The following EIF5AL1 variants were observed in gnomAD, a reference collection of about 807,000 sequenced individuals.
The protein encoded by EIF5AL1 is eukaryotic translation initiation factor 5A like 1, also known as eukaryotic translation initiation factor 5A-1-like.
Under a neutral mutation model 9.0 loss-of-function variants are expected in EIF5AL1, and 4 were observed. The ratio of observed to expected loss-of-function variants is 0.45; its 90% CI spans 0.22 to 1.02. The LOEUF (loss-of-function observed/expected upper bound fraction) is 1.02, where lower values mean the gene tolerates loss of function less well. Among genes scored for constraint, EIF5AL1 ranks in the 50% least tolerant of loss-of-function variants. The probability of loss-of-function intolerance (pLI) is 0.24; values close to 1 mark genes in which losing one functional copy is unlikely to be tolerated. For synonymous variants in EIF5AL1, 40 were observed against 75.7 expected (o/e 0.53, Z 2.45); for missense variants, 58 against 194.1 (o/e 0.30, Z 4.17).
chr10:79,512,639 A>C lies in EIF5AL1; in HGVS notation c.-11A>C, dbSNP rs1858164787. ...TGCCGTTTGCGCCAGTTGGAATCGA[A>C]GCCTCTTAAAATGGCAGATGATTTG... On this transcript the variant is annotated 5_prime_UTR_variant, in exon 1 of 1. Coordinates refer to ENST00000520547, the MANE Select transcript of EIF5AL1 (RefSeq NM_001099692.2). The C allele has an allele frequency of 9.9e-7, 1 of 1,014,576 alleles. No individual in the cohort carries two copies. The allele number at this position is 1,014,576 out of a possible 1,614,324, so 62.8% of individuals were successfully genotyped here. A position where few individuals can be genotyped will look rare whatever the true frequency, so the allele number is the denominator to read the frequency against.
rs1858171026 is a variant in EIF5AL1 at position 79,512,878 on chromosome 10, C to T, written c.229C>T (p.His77Tyr). ...ATATGAAGATATCTGCCCGTCAACTCATAATATGGATGTCCCCAACATCAA... is the reference window on the plus strand; with the variant it reads ...ATATGAAGATATCTGCCCGTCAACTTATAATATGGATGTCCCCAACATCAA... The part of the protein sequence containing the change: ...KKYEDICPST[H>Y]NMDVPNIKRN... The change falls in exon 1 of 1, where the codon CAT (histidine) becomes TAT (tyrosine). Residue 77 changes from histidine (H) to tyrosine (Y), a missense_variant. Physicochemically the swap from His to Tyr is moderately conservative, Grantham distance 83. Around this residue, in one of 2 missense-constraint regions of EIF5AL1, gnomAD observed 48 missense variants for 104.3 expected, o/e 0.46. Transcript: ENST00000520547. 2 of 1,613,844 alleles carry T rather than the reference C, an allele frequency of 1.2e-6. No individual in the cohort carries two copies. The highest frequency in any genetic ancestry group is 2.2e-5 in the East Asian group (1 of 44,874).
Position 79,512,867 on chromosome 10 carries a change from G to A in EIF5AL1, c.218G>A (p.Cys73Tyr). The A allele has an allele frequency of 6.2e-7, 1 of 1,613,690 alleles. No individual in the cohort carries two copies. The highest frequency in any genetic ancestry group is 8.5e-7 in the Non-Finnish European group (1 of 1,179,900). Reference protein sequence around the residue: ...IFTGKKYEDICPSTHNMDVPN... With the variant: ...IFTGKKYEDIYPSTHNMDVPN... ...ACTGGGAAGAAATATGAAGATATCT[G>A]CCCGTCAACTCATAATATGGATGTC... Residue 73 changes from cysteine (C) to tyrosine (Y), a missense_variant, in exon 1 of 1, where the codon TGC becomes TAC. By Grantham distance (194) the Cys-to-Tyr change is radical. Around this residue, in one of 2 missense-constraint regions of EIF5AL1, gnomAD observed 48 missense variants for 104.3 expected, o/e 0.46. Transcript: ENST00000520547.
At position 79,513,012 on chromosome 10, in the gene EIF5AL1, G is replaced by A; in HGVS notation, c.363G>A (p.Lys121=). Residue 121 remains lysine, a synonymous_variant, in exon 1 of 1, where the codon AAG becomes AAA. Coordinates refer to ENST00000520547, the MANE Select transcript of EIF5AL1 (RefSeq NM_001099692.2). ...GTCTCCCTGAGGGAGACCTTGGCAA[G>A]GAGATTGAGCAGAAGTACGACTGTG... The part of the protein sequence containing the change: ...DLRLPEGDLG[K]EIEQKYDCGE... The A allele has an allele frequency of 2.5e-6, 4 of 1,611,870 alleles. No individual in the cohort carries two copies. Among genetic ancestry groups the A allele is most frequent in the Non-Finnish European group, 2.5e-6 (3 of 1,178,436 alleles).
In EIF5AL1 at chr10:79,513,094, A is replaced by G. The variant is rs749206196; in HGVS notation, c.445A>G (p.Ile149Val). The G allele has an allele frequency of 4.3e-6, 7 of 1,612,690 alleles. No individual in the cohort carries two copies. The highest frequency in any genetic ancestry group is 3.3e-4 in the Middle Eastern group (2 of 6,038). ...SAMTEEAAVA[I>V]KAMAK ...CATGACAGAGGAGGCAGCTGTTGCA[A>G]TCAAGGCCATGGCAAAATAACTGGC... Residue 149 changes from isoleucine to valine, a missense_variant, in exon 1 of 1, where the codon ATC becomes GTC. Around this residue, in one of 2 missense-constraint regions of EIF5AL1, gnomAD observed 48 missense variants for 104.3 expected, o/e 0.46. Coordinates refer to ENST00000520547, the MANE Select transcript of EIF5AL1 (RefSeq NM_001099692.2).
In EIF5AL1 at chr10:79,513,018, T is replaced by C; in HGVS notation, c.369T>C (p.Ile123=). ...CTGAGGGAGACCTTGGCAAGGAGAT[T>C]GAGCAGAAGTACGACTGTGGAGAAG... ...RLPEGDLGKE[I]EQKYDCGEEI... The change falls in exon 1 of 1, where the codon ATT becomes ATC. Residue 123 remains isoleucine (I), a synonymous_variant. Transcript: ENST00000520547. 1.2e-6 allele frequency: 2 copies of C among 1,611,260 alleles called. No homozygotes were observed. Among genetic ancestry groups the C allele is most frequent in the Non-Finnish European group, 1.7e-6 (2 of 1,178,344 alleles).
chr10:79,514,766 C>T lies in EIF5AL1; in HGVS notation c.*1652C>T, dbSNP rs916880674. On this transcript the variant is annotated 3_prime_UTR_variant, in exon 1 of 1. Coordinates refer to ENST00000520547, the MANE Select transcript of EIF5AL1 (RefSeq NM_001099692.2). Reference sequence around the variant, plus strand: ...GAATTTAACAATGCCAGTACCTGGACCTCCGCTTGCCCCTAAAACATTACA... The same window carrying T: ...GAATTTAACAATGCCAGTACCTGGATCTCCGCTTGCCCCTAAAACATTACA... 5 of 167,438 alleles carry T rather than the reference C, an allele frequency of 3.0e-5. No homozygotes were observed. The highest frequency in any genetic ancestry group is 5.8e-5 in the Non-Finnish European group (4 of 68,558). The allele number at this position is 167,438 out of a possible 1,614,324, so 10.4% of individuals were successfully genotyped here. A position where few individuals can be genotyped will look rare whatever the true frequency, so the allele number is the denominator to read the frequency against.
At position 79,513,229 on chromosome 10, in the gene EIF5AL1, T is replaced by C; in HGVS notation, c.*115T>C. On this transcript the variant is annotated 3_prime_UTR_variant, in exon 1 of 1. Transcript: ENST00000520547. Reference sequence around the variant, plus strand: ...CTAGGTTGGACTCCTCCTACACAATTTATTTGACGTTTTATTTTGGTTTTC... The same window carrying C: ...CTAGGTTGGACTCCTCCTACACAATCTATTTGACGTTTTATTTTGGTTTTC... 1.5e-6 allele frequency: 2 copies of C among 1,363,144 alleles called. No individual in the cohort carries two copies. The highest frequency in any genetic ancestry group is 2.1e-6 in the Non-Finnish European group (2 of 969,470). The allele number at this position is 1,363,144 out of a possible 1,614,324, so 84.4% of individuals were successfully genotyped here. A position where few individuals can be genotyped will look rare whatever the true frequency, so the allele number is the denominator to read the frequency against.
chr10:79,513,700 C>T lies in EIF5AL1; in HGVS notation c.*586C>T, dbSNP rs1430316694. The T allele has an allele frequency of 6.0e-6, 1 of 166,256 alleles. No individual in the cohort carries two copies. Among genetic ancestry groups the T allele is most frequent in the African/African-American group, 2.4e-5 (1 of 41,226 alleles). 10.3% of individuals were successfully genotyped at this position (166,256 alleles called of 1,614,324 possible). A position where few individuals can be genotyped will look rare whatever the true frequency, so the allele number is the denominator to read the frequency against. On this transcript the variant is annotated 3_prime_UTR_variant, in exon 1 of 1. Coordinates refer to ENST00000520547, the MANE Select transcript of EIF5AL1 (RefSeq NM_001099692.2). Reference sequence around the variant, plus strand: ...CTTTACCCTTCCCTGCGGGCTCTCTCCCCGACACATTTGTTAAAATCAAAC... The same window carrying T: ...CTTTACCCTTCCCTGCGGGCTCTCTTCCCGACACATTTGTTAAAATCAAAC...
chr10:79,513,253 T>C lies in EIF5AL1; in HGVS notation c.*139T>C. 1.9e-6 allele frequency: 2 copies of C among 1,032,286 alleles called. No individual in the cohort carries two copies. The highest frequency in any genetic ancestry group is 2.1e-5 in the Admixed American group (1 of 47,168). The allele number at this position is 1,032,286 out of a possible 1,614,324, so 63.9% of individuals were successfully genotyped here. A position where few individuals can be genotyped will look rare whatever the true frequency, so the allele number is the denominator to read the frequency against. The stretch of plus-strand genomic sequence containing the variant: ...TTTATTTGACGTTTTATTTTGGTTT[T>C]CCCCACCCCCTCAATCTGTCAGGGA... On this transcript the variant is annotated 3_prime_UTR_variant, in exon 1 of 1. Coordinates refer to ENST00000520547, the MANE Select transcript of EIF5AL1 (RefSeq NM_001099692.2).
In EIF5AL1 at chr10:79,513,567, G is replaced by A. The variant is rs1318403468; in HGVS notation, c.*453G>A. 5 of 196,674 alleles carry A rather than the reference G, an allele frequency of 2.5e-5. No homozygotes were observed. The highest frequency in any genetic ancestry group is 1.2e-4 in the South Asian group (1 of 8,336). The allele number at this position is 196,674 out of a possible 1,614,324, so 12.2% of individuals were successfully genotyped here. On this transcript the variant is annotated 3_prime_UTR_variant, in exon 1 of 1. Transcript: ENST00000520547. ...CAACAGACTGGGGACCAGCCCCCTC[G>A]CCTGCCTGTGTCTCTCCCCAAACCC...
chr10:79,514,599 A>C lies in EIF5AL1; in HGVS notation c.*1485A>C, dbSNP rs889191674. ...TTCTACAGCAAGATAACGTGCTAGT[A>C]GGCCTCAATTCATTGCTAAATATTT... On this transcript the variant is annotated 3_prime_UTR_variant, in exon 1 of 1. Coordinates refer to ENST00000520547, the MANE Select transcript of EIF5AL1 (RefSeq NM_001099692.2). The C allele has an allele frequency of 3.6e-5, 6 of 167,194 alleles. No homozygotes were observed. Among genetic ancestry groups the C allele is most frequent in the African/African-American group, 4.8e-5 (2 of 41,448 alleles). 10.4% of individuals were successfully genotyped at this position (167,194 alleles called of 1,614,324 possible).
At position 79,515,066 on chromosome 10, in the gene EIF5AL1, G is replaced by A; in HGVS notation, c.*1952G>A. Reference sequence around the variant, plus strand: ...GACTTTGGCTTGCACTTTAGCTTCTGTAGATCTCCATGATGTAAAGAAGTA... The same window carrying A: ...GACTTTGGCTTGCACTTTAGCTTCTATAGATCTCCATGATGTAAAGAAGTA... On this transcript the variant is annotated 3_prime_UTR_variant, in exon 1 of 1. Transcript: ENST00000520547. 4.8e-6 allele frequency: 1 copy of A among 207,150 alleles called. No individual in the cohort carries two copies. The highest frequency in any genetic ancestry group is 5.8e-5 in the Admixed American group (1 of 17,286). The allele number at this position is 207,150 out of a possible 1,614,324, so 12.8% of individuals were successfully genotyped here.
In EIF5AL1 at chr10:79,516,119, C is replaced by G. The variant is rs887613949; in HGVS notation, c.*3005C>G. On this transcript the variant is annotated 3_prime_UTR_variant, in exon 1 of 1. Transcript: ENST00000520547. The stretch of plus-strand genomic sequence containing the variant: ...AACATTTCATGGCAATCACGATGTC[C>G]TGGTTTGTGAGATAATGGGATAGAG... The G allele has an allele frequency of 1.2e-5, 2 of 167,028 alleles. No homozygotes were observed. The highest frequency in any genetic ancestry group is 2.9e-5 in the Non-Finnish European group (2 of 68,118). 10.3% of individuals were successfully genotyped at this position (167,028 alleles called of 1,614,324 possible).
rs1259520226 is a variant in EIF5AL1, at chr10:79,512,861, A to C, written c.212A>C (p.Asp71Ala). ...IDIFTGKKYE[D>A]ICPSTHNMDV... Reference sequence around the variant, plus strand: ...ATCTTTACTGGGAAGAAATATGAAGATATCTGCCCGTCAACTCATAATATG... The same window carrying C: ...ATCTTTACTGGGAAGAAATATGAAGCTATCTGCCCGTCAACTCATAATATG... The change falls in exon 1 of 1, where the codon GAT (aspartate) becomes GCT (alanine). Residue 71 changes from aspartate (D) to alanine (A), a missense_variant. Asp to Ala is a moderately radical substitution (Grantham distance 126). Coordinates refer to ENST00000520547, the MANE Select transcript of EIF5AL1 (RefSeq NM_001099692.2). The C allele has an allele frequency of 1.2e-6, 2 of 1,613,636 alleles. No individual in the cohort carries two copies. Among genetic ancestry groups the C allele is most frequent in the Admixed American group, 3.3e-5 (2 of 59,950 alleles).
Position 79,512,595 on chromosome 10 carries a change from G to A in EIF5AL1, c.-55G>A, listed in dbSNP as rs1858163602. 1.0e-6 allele frequency: 1 copy of A among 976,002 alleles called. No homozygotes were observed. The highest frequency in any genetic ancestry group is 1.5e-6 in the Non-Finnish European group (1 of 665,114). The allele number at this position is 976,002 out of a possible 1,614,324, so 60.5% of individuals were successfully genotyped here. On this transcript the variant is annotated 5_prime_UTR_variant, in exon 1 of 1. Transcript: ENST00000520547. The stretch of plus-strand genomic sequence containing the variant: ...GAGGCAGCGGTTGGGCTCGCGGCGA[G>A]CGGACGGGGTCGAGTCAGTGCCGTT...
At position 79,513,878 on chromosome 10, in the gene EIF5AL1, C is replaced by A. The variant is rs148442664; in HGVS notation, c.*764C>A. On this transcript the variant is annotated 3_prime_UTR_variant, in exon 1 of 1. Transcript: ENST00000520547. Reference sequence around the variant, plus strand: ...CACCCAGGGCACCCTTCAGCACACGCTGTCTGGAGTGGCCTGAAGCAAGGA... The same window carrying A: ...CACCCAGGGCACCCTTCAGCACACGATGTCTGGAGTGGCCTGAAGCAAGGA... 1.1e-3 allele frequency: 189 copies of A among 167,238 alleles called. No homozygotes were observed. The highest frequency in any genetic ancestry group is 4.4e-3 in the African/African-American group (181 of 41,552). 10.4% of individuals were successfully genotyped at this position (167,238 alleles called of 1,614,324 possible).
At position 79,516,334 on chromosome 10, in the gene EIF5AL1, T is replaced by C. The variant is rs2559785; in HGVS notation, c.*3220T>C. ...AATGTGCCTAGATATCTTCAGAACTTATATATTTTCTGTTTTCTACGTATG... is the reference window on the plus strand; with the variant it reads ...AATGTGCCTAGATATCTTCAGAACTCATATATTTTCTGTTTTCTACGTATG... On this transcript the variant is annotated 3_prime_UTR_variant, in exon 1 of 1. Coordinates refer to ENST00000520547, the MANE Select transcript of EIF5AL1 (RefSeq NM_001099692.2). 2.9e-3 allele frequency: 483 copies of C among 165,630 alleles called. 1 individual carries two copies. The highest frequency in any genetic ancestry group is 0.01 in the African/African-American group (419 of 41,294). 10.3% of individuals were successfully genotyped at this position (165,630 alleles called of 1,614,324 possible). A position where few individuals can be genotyped will look rare whatever the true frequency, so the allele number is the denominator to read the frequency against.
rs1254058515 is a variant in EIF5AL1, at chr10:79,513,259, C to T, written c.*145C>T. 2.1e-6 allele frequency: 2 copies of T among 938,640 alleles called. No individual in the cohort carries two copies. The highest frequency in any genetic ancestry group is 2.2e-5 in the Admixed American group (1 of 45,282). 58.1% of individuals were successfully genotyped at this position (938,640 alleles called of 1,614,324 possible). A position where few individuals can be genotyped will look rare whatever the true frequency, so the allele number is the denominator to read the frequency against. ...TGACGTTTTATTTTGGTTTTCCCCA[C>T]CCCCTCAATCTGTCAGGGAGCCCCT... On this transcript the variant is annotated 3_prime_UTR_variant, in exon 1 of 1. Coordinates refer to ENST00000520547, the MANE Select transcript of EIF5AL1 (RefSeq NM_001099692.2).
Position 79,512,896 on chromosome 10 carries a change from A to G in EIF5AL1, c.247A>G (p.Asn83Asp), listed in dbSNP as rs1392423119. 2.5e-6 allele frequency: 4 copies of G among 1,613,978 alleles called. No homozygotes were observed. The South Asian group carries it at 4.4e-5, about 18-fold the overall frequency. Residue 83 changes from asparagine (N) to aspartate (D), a missense_variant, in exon 1 of 1, where the codon AAC becomes GAC. Physicochemically the swap from Asn to Asp is conservative, Grantham distance 23. Around this residue, in one of 2 missense-constraint regions of EIF5AL1, gnomAD observed 48 missense variants for 104.3 expected, o/e 0.46. Coordinates refer to ENST00000520547, the MANE Select transcript of EIF5AL1 (RefSeq NM_001099692.2). ...GTCAACTCATAATATGGATGTCCCC[A>G]ACATCAAAAGGAATGACTTCCAGCT... The part of the protein sequence containing the change: ...CPSTHNMDVP[N>D]IKRNDFQLIG...
Sources: allele counts gnomAD v4.1 joint callset, GRCh38; gene constraint gnomAD v4.1.1; regional missense constraint gnomAD v4.1.1; transcripts MANE v1.5; gene names NCBI Gene and HGNC (gene_info 2026-07-23, HGNC 2026-07-21).